NXN: variants seen among roughly 807,000 people sequenced by gnomAD.
The protein encoded by NXN is nucleoredoxin 1.
In NXN, 16 loss-of-function variants were observed where a neutral mutation model predicts 48.6. That is an observed-to-expected ratio of 0.33 (90% CI 0.22 to 0.50). NXN has a LOEUF of 0.50. NXN is among the 20% of genes least tolerant of loss of function. The probability of loss-of-function intolerance (pLI) is 0.98; values close to 1 mark genes in which losing one functional copy is unlikely to be tolerated. For synonymous variants in NXN, 281 were observed against 269.6 expected (o/e 1.04, Z -0.41); for missense variants, 492 against 605.5 (o/e 0.81, Z 1.97).
At chr17:905,270 T>TATATATATATATACATAG (rs1488360942) in intron 1 of NXN, 4 of 149,384 alleles carry the variant, frequency 2.7e-5, no homozygotes, top group South Asian at 2.1e-4. Context: ...TATATATATA[T>TATATATATATATACATAG]ATAGATGCCG....
intron 1 of NXN, among the ~76,000 whole-genome samples, chr17:924,493 TC>T (rs1329139354): frequency 6.6e-6 from 1 of 152,224 alleles, no homozygotes; most frequent in African/African-American, 2.4e-5. Flanking sequence ...CACCTCGGCC[TC>T]CCGAAGTGCT....
chr17:848,517 G>A (rs150907745), intron 1 of NXN, among the ~76,000 whole-genome samples: 18 of 152,328 alleles, frequency 1.2e-4, no homozygotes, highest in South Asian at 4.1e-4. Flanking sequence ...TGCCAGGTTC[G>A]TGCCTGGTCA....
rs59123335 is a variant in NXN at position 911,336 on chromosome 17, C to CTTTTTTTTTTTTT, written c.360+67970_360+67982dup. ...CTGTTTCTCCATTAATGCAAGTCTT[C>CTTTTTTTTTTTTT]TTTTTTTTTTTTTTTTTTTTTGAGA... On this transcript the variant is annotated intron_variant, in intron 1 of 7. Transcript: ENST00000336868. The CTTTTTTTTTTTTT allele has an allele frequency of 5.9e-5, 7 of 118,110 alleles. 1 individual carries two copies. Among genetic ancestry groups the CTTTTTTTTTTTTT allele is most frequent in the South Asian group, 2.4e-4 (1 of 4,086 alleles). 7.3% of individuals were successfully genotyped at this position (118,110 alleles called of 1,614,324 possible). A position where few individuals can be genotyped will look rare whatever the true frequency, so the allele number is the denominator to read the frequency against.
chr17:904,336 A>G (rs1700715574), intron 1 of NXN, among the ~76,000 whole-genome samples: 1 of 152,170 alleles, frequency 6.6e-6, no homozygotes, highest in Non-Finnish European at 1.5e-5. Context: ...CCCCAGTTTT[A>G]TGGTGCCCCG....
At chr17:971,085 T>C (rs1028746106) in intron 1 of NXN, among the ~76,000 whole-genome samples, 2 of 151,848 alleles carry the variant, frequency 1.3e-5, no homozygotes, top group Non-Finnish European at 2.9e-5. Context: ...TAGCTCGGAT[T>C]ACAGGCATGC....
intron 1 of NXN, chr17:909,496 ACTT>A (rs1475643689): frequency 2.0e-5 from 3 of 151,040 alleles, no homozygotes; most frequent in Non-Finnish European, 4.4e-5. Flanking sequence ...GCACTTCTCG[ACTT>A]CTGCTGATAA....
intron 1 of NXN, among the ~76,000 whole-genome samples, chr17:876,243 A>G (rs1434191582): frequency 6.6e-6 from 1 of 150,998 alleles, no homozygotes; most frequent in Non-Finnish European, 1.5e-5. Flanking sequence ...AAAGGAGAAG[A>G]GAAGAGAAGA....
chr17:905,134 C>T (rs962061454), intron 1 of NXN: 1 of 152,006 alleles, frequency 6.6e-6, no homozygotes, highest in Non-Finnish European at 1.5e-5. Flanking sequence ...TAAAATAGGC[C>T]AGGTGTGGTG....
In NXN at chr17:799,313, T is replaced by C. The variant is rs1195137617; in HGVS notation, c.*1636A>G. 6.6e-6 allele frequency: 1 copy of C among 152,252 alleles called. No individual in the cohort carries two copies. Among genetic ancestry groups the C allele is most frequent in the Non-Finnish European group, 1.5e-5 (1 of 68,126 alleles). 9.4% of individuals were successfully genotyped at this position (152,252 alleles called of 1,614,324 possible). A position where few individuals can be genotyped will look rare whatever the true frequency, so the allele number is the denominator to read the frequency against. The stretch of plus-strand genomic sequence containing the variant: ...CAGGACCACAAGCAAAAACAACTTT[T>C]GTGATCAAGGACAGCAGAGGCCCAG... On this transcript the variant is annotated 3_prime_UTR_variant, in exon 8 of 8. Transcript: ENST00000336868.
intron 1 of NXN, among the ~76,000 whole-genome samples, chr17:976,954 C>G (rs371485620): frequency 6.6e-6 from 1 of 151,954 alleles, no homozygotes; most frequent in Non-Finnish European, 1.5e-5. Flanking sequence ...TTAGTAGAGA[C>G]GGGGTTTCTC....
Position 801,011 on chromosome 17 carries a change from CG to C in NXN, c.1245del (p.Ala416ProfsTer7). ...KYVMDVEEIT[P>X]AIVEAFVNDF... Reference sequence around the variant, plus strand: ...TCATTCACAAAGGCCTCCACGATGGCGGGGGTGATCTCCTCCACGTCCATCA... The same window carrying C: ...TCATTCACAAAGGCCTCCACGATGGCGGGGTGATCTCCTCCACGTCCATCA... On this transcript the variant is annotated frameshift_variant, in exon 8 of 8. Coordinates refer to ENST00000336868, the MANE Select transcript of NXN (RefSeq NM_022463.5). LOFTEE classifies it high-confidence loss of function. 4 of 1,565,154 alleles carry C rather than the reference CG, an allele frequency of 2.6e-6. No homozygotes were observed. Among genetic ancestry groups the C allele is most frequent in the South Asian group, 2.4e-5 (2 of 84,160 alleles).
chr17:841,662 C>CGAGCAGGTCCCCCCTGACCA (rs1456965141), intron 1 of NXN, among the ~76,000 whole-genome samples: 2 of 140,354 alleles, frequency 1.4e-5, no homozygotes, highest in East Asian at 2.2e-4. Context: ...GCATCTCACG[C>CGAGCAGGTCCCCCCTGACCA]CGGCGAGCAG....
chr17:816,673 A>T (rs1057249987), intron 5 of NXN, among the ~76,000 whole-genome samples: 1 of 152,174 alleles, frequency 6.6e-6, no homozygotes, highest in African/African-American at 2.4e-5. Flanking sequence ...TACGCTCTGC[A>T]AAGGGCAGGA....
At chr17:806,002 C>T (rs1023800210) in intron 5 of NXN, among the ~76,000 whole-genome samples, 3 of 152,082 alleles carry the variant, frequency 2.0e-5, no homozygotes, top group Non-Finnish European at 4.4e-5. Flanking sequence ...CTGTGGCCAC[C>T]GATGCAAGAC....
intron 5 of NXN, among the ~76,000 whole-genome samples, chr17:812,063 G>A (rs1249247761): frequency 6.6e-6 from 1 of 151,204 alleles, no homozygotes; most frequent in Non-Finnish European, 1.5e-5. Flanking sequence ...GAGTAGCTGG[G>A]ACTACAGGCG....
At chr17:842,986 AAGAGAGAAAGAGAGAAAG>A (rs1333536660) in intron 1 of NXN, among the ~76,000 whole-genome samples, 1 of 115,682 alleles carries the variant, frequency 8.6e-6, no homozygotes, top group South Asian at 3.1e-4. Flanking sequence ...GAAAGAGAGA[AAGAGAGAAAGAGAGAAAG>A]AGAGAAAGAA....
intron 1 of NXN, among the ~76,000 whole-genome samples, chr17:844,405 G>C (rs553693288): frequency 6.6e-6 from 1 of 150,700 alleles, no homozygotes; most frequent in African/African-American, 2.4e-5. Flanking sequence ...CACACGTCCC[G>C]TCCTGCCCTC....
At chr17:884,680 C>G (rs1275983459) in intron 1 of NXN, among the ~76,000 whole-genome samples, 1 of 152,166 alleles carries the variant, frequency 6.6e-6, no homozygotes, top group African/African-American at 2.4e-5. Flanking sequence ...CCCTGGTTTG[C>G]TTCTCCAGCC....
intron 1 of NXN, among the ~76,000 whole-genome samples, chr17:898,121 T>G (rs2068506873): frequency 6.6e-6 from 1 of 152,208 alleles, no homozygotes; most frequent in South Asian, 2.1e-4. Context: ...TCATCTTTGT[T>G]CCTGTCTTCA....
Sources: allele counts gnomAD v4.1 joint callset (sites outside exome capture counted in the v4.1 genomes callset), GRCh38; gene constraint gnomAD v4.1.1; transcripts MANE v1.5; gene names NCBI Gene and HGNC (gene_info 2026-07-23, HGNC 2026-07-21).